Variants in CACHD1 observed in about 807,000 individuals in gnomAD.
The protein encoded by CACHD1 is VWFA and cache domain-containing protein 1.
Under a neutral mutation model 138.7 loss-of-function variants are expected in CACHD1, and 71 were observed. The observed-to-expected ratio is 0.51, with a 90% confidence interval of 0.42 to 0.62. CACHD1 has a LOEUF of 0.62. CACHD1 is among the 20% of genes least tolerant of loss of function. The pLI is 0.00. For synonymous variants in CACHD1, 578 were observed against 591.5 expected (o/e 0.98, Z 0.33); for missense variants, 1,389 against 1,625.3 (o/e 0.85, Z 2.50).
In CACHD1 at chr1:64,569,579, G is replaced by A. The variant is rs188416861; in HGVS notation, c.262-12577G>A. On this transcript the variant is annotated intron_variant, in intron 2 of 26. Coordinates refer to ENST00000651257, the MANE Select transcript of CACHD1 (RefSeq NM_020925.4). ...TGGAGAGGAGCAGCGGGGGCCTTGCGGCAGGGCAGGAAGAGACATGTAAGC... is the reference window on the plus strand; with the variant it reads ...TGGAGAGGAGCAGCGGGGGCCTTGCAGCAGGGCAGGAAGAGACATGTAAGC... 3.3e-5 allele frequency among the ~76,000 whole-genome samples: 5 copies of A among 152,266 alleles called. No individual in the cohort carries two copies. In the East Asian group the frequency reaches 7.8e-4, roughly 24 times the overall value.
chr1:64,689,462 T>C (rs1244222816), intron 26 of CACHD1, among the ~76,000 whole-genome samples: 2 of 152,246 alleles, frequency 1.3e-5, no homozygotes, highest in East Asian at 3.9e-4. Flanking sequence ...CCAATCCCAC[T>C]GCCCTAGTTT....
At chr1:64,512,393 CAAAAAAAAAA>C (rs551616431) in intron 1 of CACHD1, among the ~76,000 whole-genome samples, 3 of 78,620 alleles carry the variant, frequency 3.8e-5, no homozygotes, top group South Asian at 4.2e-4. Context: ...GACTGTGTCT[CAAAAAAAAAA>C]AAAAAAAAAA....
intron 1 of CACHD1, among the ~76,000 whole-genome samples, chr1:64,526,614 T>A (rs1300292657): frequency 6.6e-6 from 1 of 152,212 alleles, no homozygotes; most frequent in Non-Finnish European, 1.5e-5. Flanking sequence ...AAGAAGCAAT[T>A]AAGTTAAAAT....
At chr1:64,504,454 A>G (rs1402291389) in intron 1 of CACHD1, among the ~76,000 whole-genome samples, 1 of 152,108 alleles carries the variant, frequency 6.6e-6, no homozygotes. Context: ...GACTTAATGA[A>G]TTTTCTAGCA....
At chr1:64,641,742 A>G in intron 7 of CACHD1, 78 bp from the exon 8 acceptor site, 2 of 1,173,802 alleles carry the variant, frequency 1.7e-6, no homozygotes, top group African/African-American at 1.6e-5. Context: ...GGGAAGTCCA[A>G]GGACATGAAC....
chr1:64,653,660 CG>C, intron 10 of CACHD1, 97 bp from the exon 11 acceptor site: 1 of 1,213,220 alleles, frequency 8.2e-7, no homozygotes, highest in Non-Finnish European at 1.2e-6. Context: ...AGTTGAGTAT[CG>C]GGCAGCCAGC....
chr1:64,529,788 T>A (rs550335553), intron 1 of CACHD1, among the ~76,000 whole-genome samples: 6 of 152,322 alleles, frequency 3.9e-5, no homozygotes, highest in African/African-American at 1.4e-4. Context: ...TTTGCATAGG[T>A]CTTGCTGCCA....
chr1:64,514,289 A>G (rs1646443202), intron 1 of CACHD1, among the ~76,000 whole-genome samples: 1 of 152,202 alleles, frequency 6.6e-6, no homozygotes, highest in South Asian at 2.1e-4. Flanking sequence ...ATTCAGAGTG[A>G]TTTATCACTT....
intron 15 of CACHD1, among the ~76,000 whole-genome samples, chr1:64,665,792 G>A (rs1374719978): frequency 6.6e-6 from 1 of 152,050 alleles, no homozygotes; most frequent in South Asian, 2.1e-4. Flanking sequence ...TGAGGTGGGC[G>A]GATCACGAGG....
intron 3 of CACHD1, among the ~76,000 whole-genome samples, chr1:64,586,073 G>T (rs1454264041): frequency 6.6e-6 from 1 of 151,992 alleles, no homozygotes; most frequent in Non-Finnish European, 1.5e-5. Context: ...CCTTCCTTTT[G>T]TTTTTTTGGA....
intron 1 of CACHD1, among the ~76,000 whole-genome samples, chr1:64,532,098 C>A (rs573539775): frequency 5.3e-5 from 8 of 152,146 alleles, no homozygotes; most frequent in Non-Finnish European, 1.0e-4. Flanking sequence ...GATCAGAATA[C>A]TTTCCAAGGA....
At chr1:64,676,026 A>G in intron 21 of CACHD1, 43 bp downstream of exon 21, 1 of 436,008 alleles carries the variant, frequency 2.3e-6, no homozygotes, top group Non-Finnish European at 3.1e-6. Context: ...AATAATAATA[A>G]TAATAATAAT....
intron 1 of CACHD1, among the ~76,000 whole-genome samples, chr1:64,485,551 A>G (rs1435282625): frequency 6.6e-6 from 1 of 152,030 alleles, no homozygotes; most frequent in Non-Finnish European, 1.5e-5. Flanking sequence ...CCCATTCACT[A>G]ATTAAAGAAC....
intron 2 of CACHD1, among the ~76,000 whole-genome samples, chr1:64,562,361 T>TTC (rs397751478): frequency 6.7e-6 from 1 of 149,808 alleles, no homozygotes; most frequent in African/African-American, 2.4e-5. Context: ...AAATTTTTTT[T>TTC]CTCTTGGATA....
At chr1:64,617,734 A>G (rs1411840567) in intron 4 of CACHD1, among the ~76,000 whole-genome samples, 4 of 152,192 alleles carry the variant, frequency 2.6e-5, no homozygotes, top group Non-Finnish European at 5.9e-5. Flanking sequence ...TTCAGGTCAC[A>G]GGGTTTAAGT....
At chr1:64,538,903 T>C (rs1646655296) in intron 1 of CACHD1, among the ~76,000 whole-genome samples, 1 of 152,214 alleles carries the variant, frequency 6.6e-6, no homozygotes, top group Admixed American at 6.5e-5. Flanking sequence ...ACAGTTGTTT[T>C]CCATTAAGTT....
chr1:64,483,739 G>A (rs527867435), intron 1 of CACHD1, among the ~76,000 whole-genome samples: 10 of 148,676 alleles, frequency 6.7e-5, no homozygotes, highest in African/African-American at 2.0e-4. Flanking sequence ...CAAGTCAGAT[G>A]TCATACCTCT....
intron 1 of CACHD1, among the ~76,000 whole-genome samples, chr1:64,493,204 T>G (rs183339857): frequency 2.0e-5 from 3 of 152,338 alleles, no homozygotes; most frequent in African/African-American, 7.2e-5. Flanking sequence ...GATTTTTTAT[T>G]TTATCTTATG....
chr1:64,537,043 C>T (rs904711228), intron 1 of CACHD1, among the ~76,000 whole-genome samples: 1 of 152,180 alleles, frequency 6.6e-6, no homozygotes, highest in Non-Finnish European at 1.5e-5. Context: ...TAGACTGCCT[C>T]TCTAGGTGAG....
Sources: allele counts gnomAD v4.1 joint callset (sites outside exome capture counted in the v4.1 genomes callset), GRCh38; gene constraint gnomAD v4.1.1; transcripts MANE v1.5; gene names NCBI Gene and HGNC (gene_info 2026-07-23, HGNC 2026-07-21).